The following PARD3B variants were observed in gnomAD, a reference collection of about 807,000 sequenced individuals.
The protein encoded by PARD3B is partitioning defective 3 homolog B.
A neutral mutation model predicts 130.2 loss-of-function variants in PARD3B; 103 were observed. That is an observed-to-expected ratio of 0.79 (90% CI 0.67 to 0.93). The LOEUF (loss-of-function observed/expected upper bound fraction) is 0.93, where lower values mean the gene tolerates loss of function less well. Among genes scored for constraint, PARD3B ranks in the 40% least tolerant of loss-of-function variants. The probability of loss-of-function intolerance (pLI) is 0.00; values close to 1 mark genes in which losing one functional copy is unlikely to be tolerated. For synonymous variants in PARD3B, 583 were observed against 553.2 expected (o/e 1.05, Z -0.76); for missense variants, 1,609 against 1,499.2 (o/e 1.07, Z -1.21).
At chr2:205,018,579 GTGA>G (rs1393435270) in intron 3 of PARD3B, among the ~76,000 whole-genome samples, 3 of 151,910 alleles carry the variant, frequency 2.0e-5, no homozygotes, top group Non-Finnish European at 2.9e-5. Flanking sequence ...TTTTTAAAGT[GTGA>G]TGAAAATAAC....
chr2:205,036,553 A>G (rs1454074378), intron 3 of PARD3B, among the ~76,000 whole-genome samples: 1 of 149,658 alleles, frequency 6.7e-6, no homozygotes, highest in African/African-American at 2.4e-5. Context: ...AAATATATAT[A>G]CACAGCGGAC....
At chr2:205,511,251 T>TAATC (rs1291377175) in intron 21 of PARD3B, among the ~76,000 whole-genome samples, 1 of 152,234 alleles carries the variant, frequency 6.6e-6, no homozygotes, top group African/African-American at 2.4e-5. Context: ...TTTTATGCTG[T>TAATC]AATCAAATAA....
chr2:205,034,072 A>C (rs1357179184), intron 3 of PARD3B, among the ~76,000 whole-genome samples: 2 of 152,200 alleles, frequency 1.3e-5, no homozygotes, highest in Middle Eastern at 3.2e-3. Context: ...AGGGGAAACA[A>C]ACCAGACAGT....
At chr2:205,260,004 CA>C (rs1361330583) in intron 16 of PARD3B, among the ~76,000 whole-genome samples, 2 of 152,070 alleles carry the variant, frequency 1.3e-5, no homozygotes, top group Non-Finnish European at 2.9e-5. Context: ...AGTTTGTGTA[CA>C]TTGAACCACT....
intron 2 of PARD3B, among the ~76,000 whole-genome samples, chr2:204,866,470 C>G (rs75350585): frequency 0.011 from 1,694 of 152,086 alleles, 16 homozygotes; most frequent in Non-Finnish European, 0.018. Context: ...TATATTTATC[C>G]ATACATATCT....
At chr2:205,459,865 C>T (rs368104719) in intron 20 of PARD3B, among the ~76,000 whole-genome samples, 3 of 152,298 alleles carry the variant, frequency 2.0e-5, no homozygotes, top group East Asian at 3.9e-4. Flanking sequence ...ACCTTTGTCT[C>T]GTTTGTTTTC....
At chr2:205,067,095 C>CATTTT (rs1481071931) in intron 4 of PARD3B, among the ~76,000 whole-genome samples, 2 of 59,712 alleles carry the variant, frequency 3.3e-5, no homozygotes, top group South Asian at 5.5e-4. Context: ...TTTTACTAGG[C>CATTTT]TTTTTTTTTT....
intron 2 of PARD3B, among the ~76,000 whole-genome samples, chr2:204,868,536 C>T (rs1358032488): frequency 1.3e-5 from 2 of 152,124 alleles, no homozygotes; most frequent in Non-Finnish European, 2.9e-5. Context: ...CAGTCTTCCT[C>T]CACTATCACC....
intron 11 of PARD3B, among the ~76,000 whole-genome samples, chr2:205,162,300 C>G: frequency 6.6e-6 from 1 of 152,226 alleles, no homozygotes; most frequent in South Asian, 2.1e-4. Context: ...AGAAACTCTT[C>G]TGTGCATGCA....
At chr2:205,089,929 G>C (rs1701999649) in intron 4 of PARD3B, among the ~76,000 whole-genome samples, 1 of 152,162 alleles carries the variant, frequency 6.6e-6, no homozygotes, top group African/African-American at 2.4e-5. Context: ...GCGTCCAGTT[G>C]CCATTCCTTC....
rs182717802 is a variant in PARD3B, at chr2:205,422,438, T to A, written c.2742-17932T>A. On this transcript the variant is annotated intron_variant, in intron 19 of 22. Coordinates refer to ENST00000406610, the MANE Select transcript of PARD3B (RefSeq NM_001302769.2). ...TTAAGAGATTGTCTGGGCTGCTGTT[T>A]AATGACTAGATTCTCCATGAAGGGA... Among the ~76,000 whole-genome samples the A allele has an allele frequency of 2.0e-5, 3 of 152,338 alleles. No individual in the cohort carries two copies. In the East Asian group the frequency reaches 5.8e-4, roughly 29 times the overall value.
At chr2:204,711,382 T>C (rs891632300) in intron 2 of PARD3B, among the ~76,000 whole-genome samples, 5 of 152,158 alleles carry the variant, frequency 3.3e-5, no homozygotes, top group African/African-American at 4.8e-5. Context: ...AAATTACATA[T>C]TAAATGTATG....
At chr2:204,632,162 A>G (rs1246411919) in intron 1 of PARD3B, among the ~76,000 whole-genome samples, 2 of 152,080 alleles carry the variant, frequency 1.3e-5, no homozygotes, top group East Asian at 3.9e-4. Flanking sequence ...GTCATTTTAA[A>G]GTGTGTGGCA....
intron 1 of PARD3B, among the ~76,000 whole-genome samples, chr2:204,579,724 G>A (rs1357387818): frequency 6.6e-6 from 1 of 150,736 alleles, no homozygotes; most frequent in East Asian, 1.9e-4. Context: ...TTGTGAACAT[G>A]GAACAACAAG....
intron 2 of PARD3B, among the ~76,000 whole-genome samples, chr2:204,882,168 T>C (rs1395680456): frequency 1.3e-5 from 2 of 152,218 alleles, no homozygotes; most frequent in Non-Finnish European, 2.9e-5. Flanking sequence ...ATTTCTAAAC[T>C]GGATATAACA....
intron 10 of PARD3B, among the ~76,000 whole-genome samples, chr2:205,156,542 A>T (rs1312746347): frequency 1.6e-5 from 1 of 62,066 alleles, no homozygotes; most frequent in Admixed American, 2.0e-4. Flanking sequence ...AGAGGAAAAG[A>T]TAAAAAAAAA....
chr2:205,607,763 T>A (rs549678984), intron 22 of PARD3B, among the ~76,000 whole-genome samples: 106 of 151,512 alleles, frequency 7.0e-4, no homozygotes, highest in African/African-American at 2.5e-3. Flanking sequence ...AGTAAGACAA[T>A]TGCCGTGGCA....
rs1166127464 is a variant in PARD3B, at chr2:205,193,291, A to C, written c.2111A>C (p.Asn704Thr). 1 of 1,612,712 alleles carries C rather than the reference A, an allele frequency of 6.2e-7. No homozygotes were observed. The highest frequency in any genetic ancestry group is 8.5e-7 in the Non-Finnish European group (1 of 1,178,694). ...VTPARQPESI[N>T]LKASKSMDLV... ...CCGGCCAGGCAGCCTGAATCAATTA[A>C]TTTGAAAGCCTCGAAGAGCATGGAC... Residue 704 changes from asparagine to threonine, a missense_variant, in exon 15 of 23, where the codon AAT (asparagine) becomes ACT (threonine). Asn to Thr is a moderately conservative substitution (Grantham distance 65). Transcript: ENST00000406610.
chr2:205,043,500 C>T (rs991579600), intron 3 of PARD3B, among the ~76,000 whole-genome samples: 1 of 152,104 alleles, frequency 6.6e-6, no homozygotes, highest in Admixed American at 6.6e-5. Context: ...CTGTTTGACT[C>T]CAAAACCCAG....
Sources: allele counts gnomAD v4.1 joint callset (sites outside exome capture counted in the v4.1 genomes callset), GRCh38; gene constraint gnomAD v4.1.1; transcripts MANE v1.5; gene names NCBI Gene and HGNC (gene_info 2026-07-23, HGNC 2026-07-21).